The following COL15A1 variants were observed in gnomAD, a reference collection of about 807,000 sequenced individuals.
COL15A1 encodes collagen alpha-1(XV) chain.
Under a neutral mutation model 165.9 loss-of-function variants are expected in COL15A1, and 111 were observed. That is an observed-to-expected ratio of 0.67 (90% CI 0.57 to 0.78). The LOEUF is 0.78. Among genes scored for constraint, COL15A1 ranks in the 30% least tolerant of loss-of-function variants. The pLI is 0.00. For missense variants in COL15A1, 1,745 were observed against 1,789.7 expected (o/e 0.98, Z 0.45); for synonymous variants, 659 against 674.8 (o/e 0.98, Z 0.36).
At chr9:98,978,618 C>G (rs1838182855) in intron 2 of COL15A1, among the ~76,000 whole-genome samples, 1 of 152,084 alleles carries the variant, frequency 6.6e-6, no homozygotes, top group Admixed American at 6.5e-5. Flanking sequence ...GTGTGGTTTT[C>G]TTTGTTTCTT....
At chr9:98,946,845 T>C (rs963566399) in intron 2 of COL15A1, among the ~76,000 whole-genome samples, 7 of 152,256 alleles carry the variant, frequency 4.6e-5, no homozygotes, top group Admixed American at 2.0e-4. Context: ...TTCAGTAATA[T>C]AAGCACAATT....
intron 16 of COL15A1, among the ~76,000 whole-genome samples, chr9:99,027,768 TTTTC>T (rs768010314): frequency 2.0e-5 from 3 of 152,170 alleles, no homozygotes; most frequent in African/African-American, 4.8e-5. Flanking sequence ...ACATATGAGG[TTTTC>T]TGATCAAGCA....
chr9:98,944,265 C>T lies in COL15A1; in HGVS notation c.100+15C>T, dbSNP rs746396613. 15 of 1,611,326 alleles carry T rather than the reference C, an allele frequency of 9.3e-6. No individual in the cohort carries two copies. The highest frequency in any genetic ancestry group is 1.6e-4 in the Middle Eastern group (1 of 6,082). ...CGGTGCGACAGGTAAGCAACCCGGTCGGAGGGTGGCACCGGCTGCCTCCGC... is the reference window on the plus strand; with the variant it reads ...CGGTGCGACAGGTAAGCAACCCGGTTGGAGGGTGGCACCGGCTGCCTCCGC... On this transcript the variant is annotated intron_variant, in intron 2 of 41. Transcript: ENST00000375001.
At chr9:98,950,567 C>CCTTCCTTCCTT (rs1837667910) in intron 2 of COL15A1, among the ~76,000 whole-genome samples, 1 of 100,726 alleles carries the variant, frequency 9.9e-6, no homozygotes, top group Admixed American at 1.1e-4. Flanking sequence ...TTCCTTCCTT[C>CCTTCCTTCCTT]CTTCCTTCCT....
chr9:99,016,988 C>T (rs1588516950), intron 11 of COL15A1, among the ~76,000 whole-genome samples: 1 of 152,214 alleles, frequency 6.6e-6, no homozygotes, highest in Non-Finnish European at 1.5e-5. Context: ...CCTCCTATAG[C>T]GGTTATCACG....
At chr9:98,978,893 TCTTCTAGAG>T (rs1412604863) in intron 2 of COL15A1, among the ~76,000 whole-genome samples, 1 of 152,284 alleles carries the variant, frequency 6.6e-6, no homozygotes, top group African/African-American at 2.4e-5. Context: ...TCTTGTGTAT[TCTTCTAGAG>T]CTATTGTAAT....
At chr9:98,953,450 C>T (rs1004288579) in intron 2 of COL15A1, among the ~76,000 whole-genome samples, 2 of 152,134 alleles carry the variant, frequency 1.3e-5, no homozygotes, top group African/African-American at 4.8e-5. Context: ...CTATCCAACC[C>T]AACTCAACCT....
Position 98,997,069 on chromosome 9 carries a change from AG to A in COL15A1, c.941del (p.Ser314ThrfsTer10). On this transcript the variant is annotated frameshift_variant, in exon 6 of 42. Transcript: ENST00000375001. LOFTEE classifies it high-confidence loss of function. ...CAACATGAGCATCATCCAGCACAGC[AG>A]CCCCAAACAAGGCAAGTCCGGATGC... The part of the protein sequence containing the change: ...TTNMSIIQHS[S>X]PKQGSGEILN... The A allele has an allele frequency of 6.2e-7, 1 of 1,614,210 alleles. No homozygotes were observed. Among genetic ancestry groups the A allele is most frequent in the Non-Finnish European group, 8.5e-7 (1 of 1,180,036 alleles).
rs926413059 is a variant in COL15A1 at position 99,023,394 on chromosome 9, G to T, written c.1799G>T (p.Gly600Val). 3 of 1,610,324 alleles carry T rather than the reference G, an allele frequency of 1.9e-6. No homozygotes were observed. The highest frequency in any genetic ancestry group is 2.5e-6 in the Non-Finnish European group (3 of 1,177,108). Reference sequence around the variant, plus strand: ...GCAGAGGGCTCTGGCCTAGGCTGGGGCTCGGACGTCGGCTCTGGCTCTGGT... The same window carrying T: ...GCAGAGGGCTCTGGCCTAGGCTGGGTCTCGGACGTCGGCTCTGGCTCTGGT... The part of the protein sequence containing the change: ...AEAEGSGLGW[G>V]SDVGSGSGDL... Residue 600 changes from glycine (G) to valine (V), a missense_variant, in exon 14 of 42, where the codon GGC becomes GTC. Gly to Val is a moderately radical substitution (Grantham distance 109). Coordinates refer to ENST00000375001, the MANE Select transcript of COL15A1 (RefSeq NM_001855.5).
chr9:98,988,355 A>C (rs577276695), intron 4 of COL15A1, among the ~76,000 whole-genome samples: 231 of 152,320 alleles, frequency 1.5e-3, no homozygotes, highest in African/African-American at 5.4e-3. Flanking sequence ...ATACTGAAAA[A>C]GTAGAAACAA....
intron 5 of COL15A1, among the ~76,000 whole-genome samples, chr9:98,994,757 C>T (rs932839541): frequency 1.3e-5 from 2 of 152,104 alleles, no homozygotes; most frequent in African/African-American, 2.4e-5. Context: ...AATAGCAAGT[C>T]TTCAGACTTG....
At chr9:98,963,278 T>TC (rs56042352) in intron 2 of COL15A1, among the ~76,000 whole-genome samples, 69,772 of 151,686 alleles carry the variant, frequency 0.46, 16,172 homozygotes, top group Middle Eastern at 0.49. Flanking sequence ...TGCCTGCAAG[T>TC]CCCCCCAAAC....
rs147310207 is a variant in COL15A1, at chr9:99,058,154, G to A, written c.3338-1735G>A. Among the ~76,000 whole-genome samples the A allele has an allele frequency of 4.3e-3, 652 of 152,306 alleles. 6 individuals carry two copies. The highest frequency in any genetic ancestry group is 6.7e-3 in the Non-Finnish European group (455 of 68,022). Reference sequence around the variant, plus strand: ...CATCCTCTGCACAGCGGGAAATATGGTTACTGACAACTTACAGCTTCCACT... The same window carrying A: ...CATCCTCTGCACAGCGGGAAATATGATTACTGACAACTTACAGCTTCCACT... On this transcript the variant is annotated intron_variant, in intron 35 of 41. Coordinates refer to ENST00000375001, the MANE Select transcript of COL15A1 (RefSeq NM_001855.5).
intron 2 of COL15A1, among the ~76,000 whole-genome samples, chr9:98,952,978 T>A (rs552378304): frequency 6.6e-6 from 1 of 152,378 alleles, no homozygotes; most frequent in South Asian, 2.1e-4. Context: ...TACCCCTGCC[T>A]ACCTCCTTCA....
chr9:99,070,674 CA>C lies in COL15A1; in HGVS notation c.*791del, dbSNP rs1825970366. 2 of 450,440 alleles carry C rather than the reference CA, an allele frequency of 4.4e-6. No homozygotes were observed. The highest frequency in any genetic ancestry group is 4.8e-5 in the Admixed American group (2 of 41,256). 27.9% of individuals were successfully genotyped at this position (450,440 alleles called of 1,614,324 possible). ...TGTTGAATTATAACTGCGACTGAAA[CA>C]AACAGGTTCATAGAGATGAATTTTC... is the stretch of plus-strand genomic sequence containing the variant. On this transcript the variant is annotated 3_prime_UTR_variant, in exon 42 of 42. Coordinates refer to ENST00000375001, the MANE Select transcript of COL15A1 (RefSeq NM_001855.5).
In COL15A1 at chr9:98,965,712, C is replaced by T. The variant is rs147217348; in HGVS notation, c.101-19853C>T. On this transcript the variant is annotated intron_variant, in intron 2 of 41. Transcript: ENST00000375001. Reference sequence around the variant, plus strand: ...GCATCTCAGGCCTATCTCCACTGGCCCTTCCTTCAGGTCCCCTTCCCAGTG... The same window carrying T: ...GCATCTCAGGCCTATCTCCACTGGCTCTTCCTTCAGGTCCCCTTCCCAGTG... Among the ~76,000 whole-genome samples the T allele has an allele frequency of 2.1e-3, 314 of 152,300 alleles. 2 individuals carry two copies. The highest frequency in any genetic ancestry group is 7.1e-3 in the African/African-American group (295 of 41,544).
intron 2 of COL15A1, among the ~76,000 whole-genome samples, chr9:98,967,166 G>A (rs1454096731): frequency 2.6e-5 from 4 of 152,218 alleles, no homozygotes; most frequent in Admixed American, 2.6e-4. Context: ...GGACACAGGT[G>A]AGGAACAGAT....
chr9:98,998,827 G>T (rs1838594358), intron 6 of COL15A1, among the ~76,000 whole-genome samples: 1 of 152,186 alleles, frequency 6.6e-6, no homozygotes, highest in Non-Finnish European at 1.5e-5. Flanking sequence ...GCAGACAAAA[G>T]GTCAGTTGAA....
chr9:99,018,142 G>A (rs1334459560), intron 11 of COL15A1, among the ~76,000 whole-genome samples: 1 of 152,076 alleles, frequency 6.6e-6, no homozygotes, highest in African/African-American at 2.4e-5. Flanking sequence ...AATGAGCAGG[G>A]GTTCCTTCGT....
Sources: allele counts gnomAD v4.1 joint callset (sites outside exome capture counted in the v4.1 genomes callset), GRCh38; gene constraint gnomAD v4.1.1; transcripts MANE v1.5; gene names NCBI Gene and HGNC (gene_info 2026-07-23, HGNC 2026-07-21).